The following TMEM71 variants were observed in gnomAD, a reference collection of about 807,000 sequenced individuals.
TMEM71 encodes the protein transmembrane protein 71.
A neutral mutation model predicts 38.0 loss-of-function variants in TMEM71; 44 were observed. The ratio of observed to expected loss-of-function variants is 1.16; its 90% CI spans 0.91 to 1.49. The LOEUF is 1.49. Among genes scored for constraint, TMEM71 ranks in the 40% most tolerant of loss-of-function variants. The pLI, the probability that TMEM71 is intolerant of heterozygous loss-of-function variation, is 0.00. For missense variants in TMEM71, 367 were observed against 348.6 expected (o/e 1.05, Z -0.42); for synonymous variants, 133 against 122.5 (o/e 1.09, Z -0.56).
rs572482587 is a variant in TMEM71 at position 132,710,042 on chromosome 8, G to A, written c.*925C>T. 6.6e-6 allele frequency: 1 copy of A among 151,896 alleles called. No individual in the cohort carries two copies. The highest frequency in any genetic ancestry group is 2.1e-4 in the South Asian group (1 of 4,808). 9.4% of individuals were successfully genotyped at this position (151,896 alleles called of 1,614,324 possible). On this transcript the variant is annotated 3_prime_UTR_variant, in exon 10 of 10. Transcript: ENST00000677595. Reference sequence around the variant, plus strand: ...AGTTATATTTTGGCATTATCATTTCGAGCAAAGACAATTTTCTGCATGTAT... The same window carrying A: ...AGTTATATTTTGGCATTATCATTTCAAGCAAAGACAATTTTCTGCATGTAT...
chr8:132,709,159 T>C (rs1297856605), downstream of TMEM71, among the ~76,000 whole-genome samples: 1 of 152,208 alleles, frequency 6.6e-6, no homozygotes, highest in African/African-American at 2.4e-5. Context: ...GTGTTACACA[T>C]AGACAAAGGA....
chr8:132,744,410 G>C (rs2433067), intron 5 of TMEM71, among the ~76,000 whole-genome samples: 1 of 151,996 alleles, frequency 6.6e-6, no homozygotes, highest in African/African-American at 2.4e-5. Context: ...TGAGAGCCAA[G>C]TCAAGAATGC....
At position 132,757,286 on chromosome 8, in the gene TMEM71, T is replaced by C. The variant is rs757809891; in HGVS notation, c.49A>G (p.Arg17Gly). 9 of 1,602,524 alleles carry C rather than the reference T, an allele frequency of 5.6e-6. No individual in the cohort carries two copies. The highest frequency in any genetic ancestry group is 6.8e-6 in the Non-Finnish European group (8 of 1,174,022). ...LMSTPVASSSRLEREYAGELS... is the reference protein window; with the variant it reads ...LMSTPVASSSGLEREYAGELS... ...TCTCCAGCATATTCTCTTTCCAACC[T>C]GGAAGAACCTGCATAAACAAATGAG... The change falls in exon 3 of 10, where the codon AGG becomes GGG. Residue 17 changes from arginine to glycine, a missense_variant. Transcript: ENST00000677595.
At position 132,722,025 on chromosome 8, in the gene TMEM71, T is replaced by C. The variant is rs754055719; in HGVS notation, c.752+15A>G. On this transcript the variant is annotated intron_variant, in intron 7 of 9. Transcript: ENST00000677595. ...ATTATGAAATACCGCTGCATGAAAATAAAACGTGAATTACCTTGCACATGC... is the reference window on the plus strand; with the variant it reads ...ATTATGAAATACCGCTGCATGAAAACAAAACGTGAATTACCTTGCACATGC... The C allele has an allele frequency of 1.9e-6, 3 of 1,608,682 alleles. No individual in the cohort carries two copies. The African/African-American group carries it at 4.0e-5, about 22-fold the overall frequency.
chr8:132,758,474 C>A, intron 2 of TMEM71: 1 of 190,102 alleles, frequency 5.3e-6, no homozygotes. Flanking sequence ...AACTTGAAAC[C>A]ACTACCGTTT....
the TMEM71 span, chr8:132,775,541 G>A: frequency 2.4e-5 from 9 of 368,730 alleles, no homozygotes; most frequent in Admixed American, 4.6e-5. Flanking sequence ...CTCCCCGGCC[G>A]CTGCCTGGGC....
At chr8:132,729,767 G>C (rs1445641863) in intron 5 of TMEM71, among the ~76,000 whole-genome samples, 1 of 152,118 alleles carries the variant, frequency 6.6e-6, no homozygotes, top group Non-Finnish European at 1.5e-5. Context: ...GGTCTCAAGA[G>C]AGGCAGAAAA....
intron 5 of TMEM71, among the ~76,000 whole-genome samples, chr8:132,728,875 A>G (rs1827298721): frequency 1.3e-5 from 2 of 152,220 alleles, no homozygotes; most frequent in Admixed American, 6.5e-5. Flanking sequence ...TCTTGTGATA[A>G]GTGTCATGAA....
At chr8:132,706,948 T>C (rs1396180135), downstream of TMEM71, among the ~76,000 whole-genome samples, 1 of 151,974 alleles carries the variant, frequency 6.6e-6, no homozygotes, top group African/African-American at 2.4e-5. Flanking sequence ...CCCCACAAAA[T>C]TCAAAACAAA....
At chr8:132,727,691 G>A in intron 6 of TMEM71, 107 bp downstream of exon 6, 1 of 991,604 alleles carries the variant, frequency 1.0e-6, no homozygotes, top group East Asian at 2.5e-5. Context: ...TCCTCGCACA[G>A]GTTGGTACCA....
chr8:132,752,159 T>C (rs538570065), intron 3 of TMEM71, among the ~76,000 whole-genome samples, 162 bp from the exon 4 acceptor site: 1 of 152,362 alleles, frequency 6.6e-6, no homozygotes, highest in East Asian at 1.9e-4. Context: ...CTGGGCTTCA[T>C]CTCCTCACCT....
At chr8:132,772,732 C>A in the TMEM71 span, among the ~76,000 whole-genome samples, 20 of 152,022 alleles carry the variant, frequency 1.3e-4, no homozygotes, top group African/African-American at 4.3e-4. Context: ...GAAAATAATT[C>A]ATAAAAATCA....
downstream of TMEM71, among the ~76,000 whole-genome samples, chr8:132,708,344 A>G (rs146530575): frequency 5.6e-3 from 852 of 152,338 alleles, 4 homozygotes; most frequent in Middle Eastern, 0.014. Flanking sequence ...AGTGGGGCTC[A>G]AGAGCAACCA....
In TMEM71 at chr8:132,743,606, G is replaced by T. The variant is rs180798146; in HGVS notation, c.487+3336C>A. Among the ~76,000 whole-genome samples the T allele has an allele frequency of 3.5e-3, 536 of 151,950 alleles. 3 individuals are homozygous for T. The highest frequency in any genetic ancestry group is 0.012 in the African/African-American group (508 of 41,414). On this transcript the variant is annotated intron_variant, in intron 5 of 9. Coordinates refer to ENST00000677595, the MANE Select transcript of TMEM71 (RefSeq NM_001382403.1). ...TTTGAGTTCACAACATTCCATTTTA[G>T]GCTCCCTCTTTGGAAAACTGTATAC...
Position 132,751,862 on chromosome 8 carries a change from G to A in TMEM71, c.237C>T (p.Ser79=), listed in dbSNP as rs200104097. The change falls in exon 4 of 10, where the codon AGC becomes AGT. Residue 79 remains serine, a synonymous_variant. Transcript: ENST00000677595. ...TNGYYIWTED[S]FLCDKDGNIT... ...TGTTGCCATCTTTGTCGCACAGGAA[G>A]CTGTCTTCAGTCCAAATATAGTAGC... 70 of 1,614,064 alleles carry A rather than the reference G, an allele frequency of 4.3e-5. 1 individual carries two copies. In the East Asian group the frequency reaches 1.0e-3, roughly 23 times the overall value.
At position 132,710,739 on chromosome 8, in the gene TMEM71, G is replaced by A. The variant is rs928569974; in HGVS notation, c.*228C>T. ...CCCCGTCCTTTTCCTTTCAACTGCC[G>A]GTGTTTGCAAAGGGAAGGCAAATTA... is the stretch of plus-strand genomic sequence containing the variant. On this transcript the variant is annotated 3_prime_UTR_variant, in exon 10 of 10. Transcript: ENST00000677595. 10 of 566,368 alleles carry A rather than the reference G, an allele frequency of 1.8e-5. 1 individual carries two copies. Among genetic ancestry groups the A allele is most frequent in the East Asian group, 6.3e-5 (2 of 31,964 alleles). 35.1% of individuals were successfully genotyped at this position (566,368 alleles called of 1,614,324 possible).
chr8:132,707,918 G>A (rs1246696201), downstream of TMEM71, among the ~76,000 whole-genome samples: 1 of 152,158 alleles, frequency 6.6e-6, no homozygotes, highest in Non-Finnish European at 1.5e-5. Flanking sequence ...AACCTCGTCT[G>A]TATTCTTCAC....
chr8:132,752,050 C>G lies in TMEM71; in HGVS notation c.102-53G>C, dbSNP rs530838543. 3 of 1,433,566 alleles carry G rather than the reference C, an allele frequency of 2.1e-6. No homozygotes were observed. In the African/African-American group the frequency reaches 4.2e-5, roughly 20 times the overall value. 88.8% of individuals were successfully genotyped at this position (1,433,566 alleles called of 1,614,324 possible). Reference sequence around the variant, plus strand: ...AATCTCTATTCAGTACATCCAGTCCCAAATAAACCATGTCTCATCACTGTG... The same window carrying G: ...AATCTCTATTCAGTACATCCAGTCCGAAATAAACCATGTCTCATCACTGTG... On this transcript the variant is annotated intron_variant, in intron 3 of 9. Coordinates refer to ENST00000677595, the MANE Select transcript of TMEM71 (RefSeq NM_001382403.1).
intron 4 of TMEM71, among the ~76,000 whole-genome samples, chr8:132,750,491 T>A (rs1828646299): frequency 6.6e-6 from 1 of 152,230 alleles, no homozygotes; most frequent in Admixed American, 6.5e-5. Context: ...TGTAGTCCAA[T>A]GGTCTCAAGG....
Sources: gnomAD v4.1 joint callset for allele counts (sites outside exome capture counted in the v4.1 genomes callset) on GRCh38, gnomAD v4.1.1 for gene constraint, MANE v1.5 for transcripts, NCBI Gene and HGNC (gene_info 2026-07-23, HGNC 2026-07-21) for gene names.